MUC5AC: variants seen among roughly 807,000 people sequenced by gnomAD.
The protein encoded by MUC5AC is mucin-5AC.
Under a neutral mutation model 169.7 loss-of-function variants are expected in MUC5AC, and 158 were observed. The observed-to-expected ratio is 0.93, with a 90% CI of 0.82 to 1.06. The LOEUF is 1.06. Among genes scored for constraint, MUC5AC ranks in the 50% least tolerant of loss-of-function variants. The pLI is 0.00. For synonymous variants in MUC5AC, 1,975 were observed against 1,237.0 expected (o/e 1.60, Z -12.52); for missense variants, 4,359 against 3,089.9 (o/e 1.41, Z -9.74).
Position 1,168,060 on chromosome 11 carries a change from C to G in MUC5AC, c.1497+73C>G, listed in dbSNP as rs114689050. Reference sequence around the variant, plus strand: ...GTCTCTTCTGCAAGTCACCTCTGCCCAAGCCCTTCATCCCTGGCATGAACA... The same window carrying G: ...GTCTCTTCTGCAAGTCACCTCTGCCGAAGCCCTTCATCCCTGGCATGAACA... On this transcript the variant is annotated intron_variant, in intron 12 of 48. Transcript: ENST00000621226. 3 of 1,302,540 alleles carry G rather than the reference C, an allele frequency of 2.3e-6. No individual in the cohort carries two copies. In the South Asian group the frequency reaches 3.8e-5, roughly 17 times the overall value. The allele number at this position is 1,302,540 out of a possible 1,614,324, so 80.7% of individuals were successfully genotyped here.
Position 1,196,433 on chromosome 11 carries a change from G to A in MUC5AC, c.15683G>A (p.Ser5228Asn). The change falls in exon 38 of 49, where the codon AGC (serine) becomes AAC (asparagine). Residue 5228 changes from serine (S) to asparagine (N), a missense_variant. Physicochemically the swap from Ser to Asn is conservative, Grantham distance 46. Coordinates refer to ENST00000621226, the MANE Select transcript of MUC5AC (RefSeq NM_001304359.2). Reference sequence around the variant, plus strand: ...AAGGTGTACCAGCCCTGCGGCCCGAGCAACCCCTCCTACTGCTACGGGAAT... The same window carrying A: ...AAGGTGTACCAGCCCTGCGGCCCGAACAACCCCTCCTACTGCTACGGGAAT... Reference protein sequence around the residue: ...ADKVYQPCGPSNPSYCYGNDS... With the variant: ...ADKVYQPCGPNNPSYCYGNDS... The A allele has an allele frequency of 1.3e-6, 1 of 765,042 alleles. No homozygotes were observed. Among genetic ancestry groups the A allele is most frequent in the Non-Finnish European group, 2.4e-6 (1 of 417,822 alleles). 47.4% of individuals were successfully genotyped at this position (765,042 alleles called of 1,614,324 possible).
Position 1,185,744 on chromosome 11 carries a change from C to A in MUC5AC, c.7599C>A (p.Ser2533Arg). 1 of 739,568 alleles carries A rather than the reference C, an allele frequency of 1.4e-6. No individual in the cohort carries two copies. Among genetic ancestry groups the A allele is most frequent in the Non-Finnish European group, 2.5e-6 (1 of 402,600 alleles). 45.8% of individuals were successfully genotyped at this position (739,568 alleles called of 1,614,324 possible). ...CCTCTGGTGCTGGAACTACTCCCAG[C>A]CCTGTTCCCACCACCAGCACAACCT... ...STTSGAGTTPSPVPTTSTTSA... is the reference protein window; with the variant it reads ...STTSGAGTTPRPVPTTSTTSA... The change falls in exon 31 of 49, where the codon AGC (serine) becomes AGA (arginine). Residue 2533 changes from serine (S) to arginine (R), a missense_variant. By Grantham distance (110) the Ser-to-Arg change is moderately radical. Coordinates refer to ENST00000621226, the MANE Select transcript of MUC5AC (RefSeq NM_001304359.2).
Position 1,176,091 on chromosome 11 carries a change from A to C in MUC5AC, c.2402-60A>C, listed in dbSNP as rs1860679255. ...TGGCACAGACACGTCCTCCCTGAACACATGTTTGAGGCACCGCAGCAGCCT... is the reference window on the plus strand; with the variant it reads ...TGGCACAGACACGTCCTCCCTGAACCCATGTTTGAGGCACCGCAGCAGCCT... On this transcript the variant is annotated intron_variant, in intron 19 of 48. Coordinates refer to ENST00000621226, the MANE Select transcript of MUC5AC (RefSeq NM_001304359.2). 1.1e-5 allele frequency: 4 copies of C among 379,566 alleles called. 1 individual carries two copies. The South Asian group carries it at 5.4e-4, about 51-fold the overall frequency. The allele number at this position is 379,566 out of a possible 1,614,324, so 23.5% of individuals were successfully genotyped here.
At position 1,195,288 on chromosome 11, in the gene MUC5AC, T is replaced by C. The variant is rs552271119; in HGVS notation, c.15458+9T>C. The C allele has an allele frequency of 4.5e-5, 34 of 758,840 alleles. No individual in the cohort carries two copies. Among genetic ancestry groups the C allele is most frequent in the South Asian group, 4.3e-4 (32 of 74,512 alleles). The allele number at this position is 758,840 out of a possible 1,614,324, so 47.0% of individuals were successfully genotyped here. On this transcript the variant is annotated intron_variant, in intron 36 of 48. Coordinates refer to ENST00000621226, the MANE Select transcript of MUC5AC (RefSeq NM_001304359.2). Reference sequence around the variant, plus strand: ...CAGCTGATTCTGAGCAAGTGAGACTTGGGTGCAAGGGAGGGAGGGTCAGTG... The same window carrying C: ...CAGCTGATTCTGAGCAAGTGAGACTCGGGTGCAAGGGAGGGAGGGTCAGTG...
chr11:1,185,668 C>T lies in MUC5AC; in HGVS notation c.7523C>T (p.Thr2508Ile). ...ACAACCTCTTCTCCTACAACCAGCA[C>T]AACCTCTGCTCCTACAACCAGCACA... ...TSTTSSPTTSTTSAPTTSTTS... is the reference protein window; with the variant it reads ...TSTTSSPTTSITSAPTTSTTS... The change falls in exon 31 of 49, where the codon ACA becomes ATA. Residue 2508 changes from threonine (T) to isoleucine (I), a missense_variant. Physicochemically the swap from Thr to Ile is moderately conservative, Grantham distance 89. Coordinates refer to ENST00000621226, the MANE Select transcript of MUC5AC (RefSeq NM_001304359.2). 4 of 740,766 alleles carry T rather than the reference C, an allele frequency of 5.4e-6. No individual in the cohort carries two copies. Among genetic ancestry groups the T allele is most frequent in the Non-Finnish European group, 7.4e-6 (3 of 405,678 alleles). 45.9% of individuals were successfully genotyped at this position (740,766 alleles called of 1,614,324 possible).
intron 22 of MUC5AC, 72 bp from the exon 23 acceptor site, chr11:1,177,159 G>A (rs1860708108): frequency 2.5e-6 from 1 of 398,566 alleles, no homozygotes. Context: ...CACACAGGTT[G>A]TCCCCGCCTC....
At chr11:1,165,051 T>C (rs1322241539) in intron 9 of MUC5AC, among the ~76,000 whole-genome samples, 1 of 136,660 alleles carries the variant, frequency 7.3e-6, no homozygotes, top group African/African-American at 2.8e-5. Flanking sequence ...CTGAGGCCCC[T>C]GTCCTGGGCC....
In MUC5AC at chr11:1,195,888, G is replaced by A. The variant is rs201631273; in HGVS notation, c.15471G>A (p.Pro5157=). ...CQLILSKVFE[P]CHTVIPPLLF... is the part of the protein sequence containing the mutation. Reference sequence around the variant, plus strand: ...ATCCCTCCCACAGGGTCTTTGAGCCGTGCCACACTGTGATCCCCCCACTGC... The same window carrying A: ...ATCCCTCCCACAGGGTCTTTGAGCCATGCCACACTGTGATCCCCCCACTGC... Residue 5157 remains proline, a synonymous_variant, in exon 37 of 49, where the codon CCG becomes CCA. Transcript: ENST00000621226. 1.4e-4 allele frequency: 97 copies of A among 711,770 alleles called. No individual in the cohort carries two copies. The highest frequency in any genetic ancestry group is 4.7e-4 in the Middle Eastern group (2 of 4,222). 44.1% of individuals were successfully genotyped at this position (711,770 alleles called of 1,614,324 possible).
Position 1,199,204 on chromosome 11 carries a change from A to G in MUC5AC, c.16395+19A>G. 1 of 755,854 alleles carries G rather than the reference A, an allele frequency of 1.3e-6. No homozygotes were observed. The highest frequency in any genetic ancestry group is 2.4e-6 in the Non-Finnish European group (1 of 413,856). 46.8% of individuals were successfully genotyped at this position (755,854 alleles called of 1,614,324 possible). A position where few individuals can be genotyped will look rare whatever the true frequency, so the allele number is the denominator to read the frequency against. On this transcript the variant is annotated intron_variant, in intron 45 of 48. Transcript: ENST00000621226. ...CTTCTACGTGAGTAGTGGCTGCCAC[A>G]AAGAGGAAGGGCAGGGTCTGGGAGC... is the stretch of plus-strand genomic sequence containing the variant.
chr11:1,195,478 C>T (rs1192999154), intron 36 of MUC5AC, among the ~76,000 whole-genome samples, 199 bp downstream of exon 36: 1 of 151,646 alleles, frequency 6.6e-6, no homozygotes, highest in African/African-American at 2.4e-5. Context: ...GGGGCGGGTG[C>T]CGGGAAGGGG....
Position 1,176,552 on chromosome 11 carries a change from C to T in MUC5AC, c.2541C>T (p.Asp847=), listed in dbSNP as rs879241959. The T allele has an allele frequency of 0.17, 68,068 of 399,814 alleles. 6,526 individuals carry two copies. Among genetic ancestry groups the T allele is most frequent in the Non-Finnish European group, 0.2 (44,359 of 227,008 alleles). The allele number at this position is 399,814 out of a possible 1,614,324, so 24.8% of individuals were successfully genotyped here. A position where few individuals can be genotyped will look rare whatever the true frequency, so the allele number is the denominator to read the frequency against. ...PQCVPGCVCP[D]GLVADGEGGC... ...GTGTGCCTGGCTGCGTGTGCCCCGA[C>T]GGGCTGGTGGCGGACGGCGAGGGCG... Residue 847 remains aspartate (D), a synonymous_variant, in exon 21 of 49, where the codon GAC becomes GAT. Transcript: ENST00000621226.
rs1401503557 is a variant in MUC5AC, at chr11:1,187,933, C to T, written c.9788C>T (p.Pro3263Leu). 1.3e-6 allele frequency: 1 copy of T among 755,930 alleles called. No homozygotes were observed. Among genetic ancestry groups the T allele is most frequent in the East Asian group, 2.4e-5 (1 of 41,228 alleles). 46.8% of individuals were successfully genotyped at this position (755,930 alleles called of 1,614,324 possible). A position where few individuals can be genotyped will look rare whatever the true frequency, so the allele number is the denominator to read the frequency against. Residue 3263 changes from proline (P) to leucine (L), a missense_variant, in exon 31 of 49, where the codon CCT becomes CTT. Transcript: ENST00000621226. ...IRSGEKICRRPEEITRLQCRA... is the reference protein window; with the variant it reads ...IRSGEKICRRLEEITRLQCRA... ...AGTGGGGAAAAAATCTGCCGCCGAC[C>T]TGAGGAGATCACCAGGCTCCAGTGC...
At position 1,161,552 on chromosome 11, in the gene MUC5AC, C is replaced by A; in HGVS notation, c.177C>A (p.Val59=). ...GGGTCCCGCTCCGTGGGGCGACTGT[C>A]TTCCCATCTCTGAGGACCATCCCTG... The part of the protein sequence containing the change: ...PSGVPLRGAT[V]FPSLRTIPVV... Residue 59 remains valine, a synonymous_variant, in exon 3 of 49, where the codon GTC becomes GTA. Coordinates refer to ENST00000621226, the MANE Select transcript of MUC5AC (RefSeq NM_001304359.2). 2 of 1,609,858 alleles carry A rather than the reference C, an allele frequency of 1.2e-6. No individual in the cohort carries two copies. The highest frequency in any genetic ancestry group is 1.7e-6 in the Non-Finnish European group (2 of 1,178,038).
intron 1 of MUC5AC, among the ~76,000 whole-genome samples, chr11:1,160,070 AGGGCTGTGCG>A (rs1042657981): frequency 7.0e-6 from 1 of 142,794 alleles, no homozygotes; most frequent in Non-Finnish European, 1.5e-5. Flanking sequence ...GGCTCTGTGC[AGGGCTGTGCG>A]GGGCTGGGCC....
chr11:1,165,516 A>G (rs1860296605), intron 10 of MUC5AC, 97 bp downstream of exon 10: 6 of 1,581,712 alleles, frequency 3.8e-6, no homozygotes, highest in Non-Finnish European at 5.2e-6. Context: ...CGTCTGGGCT[A>G]CGGTGTAGGC....
chr11:1,159,085 A>G (rs906425035), intron 1 of MUC5AC, among the ~76,000 whole-genome samples: 1 of 150,646 alleles, frequency 6.6e-6, no homozygotes, highest in Non-Finnish European at 1.5e-5. Context: ...GGGACTAGAT[A>G]AGTGAGGCTC....
intron 5 of MUC5AC, 106 bp downstream of exon 5, chr11:1,162,752 G>T (rs1564906029): frequency 2.6e-6 from 3 of 1,139,818 alleles, no homozygotes; most frequent in East Asian, 4.9e-5. Context: ...GCCCAGTCAG[G>T]GTCAGACTCC....
At chr11:1,171,701 C>CCACTCAA in intron 15 of MUC5AC, among the ~76,000 whole-genome samples, 1 of 124,218 alleles carries the variant, frequency 8.1e-6, no homozygotes, top group African/African-American at 3.1e-5. Flanking sequence ...ACCCACTCAC[C>CCACTCAA]CACTCACTCA....
intron 1 of MUC5AC, among the ~76,000 whole-genome samples, chr11:1,159,538 C>CGGGGCTGTGTGGGGCTGTGT (rs1347741993): frequency 0.063 from 159 of 2,508 alleles, 60 homozygotes; most frequent in African/African-American, 0.19. Context: ...TGGTTCTGTG[C>CGGGGCTGTGTGGGGCTGTGT]GGGGCTGTGC....
Sources: gnomAD v4.1 joint callset for allele counts (sites outside exome capture counted in the v4.1 genomes callset) on GRCh38, gnomAD v4.1.1 for gene constraint, MANE v1.5 for transcripts, NCBI Gene and HGNC (gene_info 2026-07-23, HGNC 2026-07-21) for gene names.